LDB2: variants seen among roughly 807,000 people sequenced by gnomAD.
LDB2 encodes the protein LIM domain-binding protein 2.
LDB2 carries 12 observed loss-of-function variants against 44.3 expected under a neutral mutation model. The observed-to-expected ratio is 0.27, with a 90% CI of 0.17 to 0.44. The LOEUF (loss-of-function observed/expected upper bound fraction) is 0.44, where lower values mean the gene tolerates loss of function less well. LDB2 is among the 20% of genes least tolerant of loss of function. The pLI, the probability that LDB2 is intolerant of heterozygous loss-of-function variation, is 1.00. For missense variants in LDB2, 344 were observed against 473.5 expected, an observed-to-expected ratio of 0.73 and a Z score of 2.54; for synonymous variants, 164 against 174.8, an observed-to-expected ratio of 0.94 and a Z score of 0.49.
chr4:16,600,195 A>C (rs971040524), intron 2 of LDB2, among the ~76,000 whole-genome samples: 2 of 152,200 alleles, frequency 1.3e-5, no homozygotes, highest in South Asian at 2.1e-4. Flanking sequence ...CACCAGTTCC[A>C]AATCTATTTA....
chr4:16,887,102 T>C (rs1721973656), intron 1 of LDB2, among the ~76,000 whole-genome samples: 1 of 128,948 alleles, frequency 7.8e-6, no homozygotes, highest in Non-Finnish European at 1.6e-5. Flanking sequence ...AAAAAGGAGA[T>C]ATGGGCTTGG....
At chr4:16,567,076 A>T (rs975792872) in intron 5 of LDB2, among the ~76,000 whole-genome samples, 1 of 152,214 alleles carries the variant, frequency 6.6e-6, no homozygotes, top group African/African-American at 2.4e-5. Flanking sequence ...TAACTTGAAA[A>T]TATCTATCAA....
At chr4:16,861,866 C>T (rs549031278) in intron 1 of LDB2, among the ~76,000 whole-genome samples, 4 of 152,212 alleles carry the variant, frequency 2.6e-5, no homozygotes, top group Non-Finnish European at 5.9e-5. Flanking sequence ...GCAGATTCAT[C>T]CTCCCGAACC....
intron 2 of LDB2, among the ~76,000 whole-genome samples, chr4:16,618,760 G>C (rs564559232): frequency 1.3e-5 from 2 of 152,128 alleles, no homozygotes; most frequent in Non-Finnish European, 2.9e-5. Context: ...GTGGCTCTGT[G>C]TCCCCACCCA....
chr4:16,515,192 A>G (rs1050676367), intron 5 of LDB2, among the ~76,000 whole-genome samples: 4 of 152,152 alleles, frequency 2.6e-5, no homozygotes, highest in African/African-American at 9.7e-5. Flanking sequence ...AAACCAGAAA[A>G]CCAAATACTG....
At chr4:16,752,698 C>G (rs1343713914) in intron 2 of LDB2, among the ~76,000 whole-genome samples, 2 of 152,160 alleles carry the variant, frequency 1.3e-5, no homozygotes, top group Non-Finnish European at 2.9e-5. Context: ...TCATTTAACC[C>G]TAAAATGTTG....
intron 2 of LDB2, among the ~76,000 whole-genome samples, chr4:16,658,928 C>A (rs1485260258): frequency 6.6e-6 from 1 of 152,162 alleles, no homozygotes; most frequent in Non-Finnish European, 1.5e-5. Flanking sequence ...GATCTTTTTA[C>A]TATATTGTGC....
At chr4:16,767,841 A>C (rs1769701668) in intron 1 of LDB2, among the ~76,000 whole-genome samples, 1 of 152,202 alleles carries the variant, frequency 6.6e-6, no homozygotes, top group Non-Finnish European at 1.5e-5. Context: ...AGGTGAACCC[A>C]AATTTCACCA....
At chr4:16,780,021 A>T (rs1454414163) in intron 1 of LDB2, among the ~76,000 whole-genome samples, 2 of 152,198 alleles carry the variant, frequency 1.3e-5, no homozygotes, top group Admixed American at 1.3e-4. Context: ...TCACTCATTT[A>T]ACAACTTTCA....
At chr4:16,849,781 G>T (rs1787817777) in intron 1 of LDB2, among the ~76,000 whole-genome samples, 1 of 152,186 alleles carries the variant, frequency 6.6e-6, no homozygotes, top group South Asian at 2.1e-4. Flanking sequence ...CATTCCCTGG[G>T]TGGAGGGTTC....
At chr4:16,632,775 A>T (rs1054490662) in intron 2 of LDB2, among the ~76,000 whole-genome samples, 1 of 152,236 alleles carries the variant, frequency 6.6e-6, no homozygotes, top group Non-Finnish European at 1.5e-5. Flanking sequence ...GCATTCAAAA[A>T]GTCAGGAAAC....
chr4:16,550,258 A>G (rs776726375), intron 5 of LDB2, among the ~76,000 whole-genome samples: 2 of 152,212 alleles, frequency 1.3e-5, no homozygotes, highest in Non-Finnish European at 2.9e-5. Flanking sequence ...ACTAGAATTA[A>G]TCTCCCCATC....
At chr4:16,881,345 C>A (rs148008930) in intron 1 of LDB2, among the ~76,000 whole-genome samples, 1 of 152,162 alleles carries the variant, frequency 6.6e-6, no homozygotes, top group African/African-American at 2.4e-5. Flanking sequence ...GATACCACTA[C>A]GTATCACAGT....
At chr4:16,701,035 T>A (rs918209424) in intron 2 of LDB2, among the ~76,000 whole-genome samples, 1 of 152,168 alleles carries the variant, frequency 6.6e-6, no homozygotes, top group Non-Finnish European at 1.5e-5. Context: ...ATTTTACTGC[T>A]GAAGAACCCT....
chr4:16,797,003 G>A (rs928956086), intron 1 of LDB2, among the ~76,000 whole-genome samples: 4 of 152,218 alleles, frequency 2.6e-5, no homozygotes, highest in Non-Finnish European at 5.9e-5. Context: ...GTGGTATTGT[G>A]CAGGGAAGCC....
At chr4:16,635,429 G>A (rs1056531868) in intron 2 of LDB2, among the ~76,000 whole-genome samples, 3 of 151,856 alleles carry the variant, frequency 2.0e-5, no homozygotes, top group African/African-American at 7.3e-5. Context: ...GAAGGATTCT[G>A]GAGCCAAGAC....
intron 1 of LDB2, among the ~76,000 whole-genome samples, chr4:16,821,684 C>T (rs535329875): frequency 2.7e-4 from 37 of 135,802 alleles, no homozygotes; most frequent in East Asian, 9.4e-4. Flanking sequence ...CCACCGCGCC[C>T]GGCCGGAATA....
chr4:16,711,577 C>T (rs1252711124), intron 2 of LDB2, among the ~76,000 whole-genome samples: 1 of 152,058 alleles, frequency 6.6e-6, no homozygotes, highest in Non-Finnish European at 1.5e-5. Context: ...ACAAGGTCTC[C>T]CTGGATGCTG....
At chr4:16,812,631 ATGTGTGTG>A (rs5856389) in intron 1 of LDB2, among the ~76,000 whole-genome samples, 14 of 126,048 alleles carry the variant, frequency 1.1e-4, no homozygotes, top group African/African-American at 2.2e-4. Flanking sequence ...TATTAAATAT[ATGTGTGTG>A]TGTGTGTGTG....
Sources: allele counts gnomAD v4.1 joint callset (sites outside exome capture counted in the v4.1 genomes callset), GRCh38; gene constraint gnomAD v4.1.1; transcripts MANE v1.5; gene names NCBI Gene and HGNC (gene_info 2026-07-23, HGNC 2026-07-21).